Variants in IL1RAPL1 observed in about 807,000 individuals in gnomAD.
IL1RAPL1 encodes interleukin 1 receptor accessory protein like 1.
Under a neutral mutation model 48.4 loss-of-function variants are expected in IL1RAPL1, and 3 were observed. The observed-to-expected ratio is 0.06, with a 90% CI of 0.03 to 0.16. IL1RAPL1 has a LOEUF of 0.16. Among genes scored for constraint, IL1RAPL1 ranks in the 10% least tolerant of loss-of-function variants. The pLI is 1.00. For synonymous variants in IL1RAPL1, 185 were observed against 187.7 expected (o/e 0.99, Z 0.12); for missense variants, 349 against 530.6 (o/e 0.66, Z 3.36).
At chrX:29,492,856 G>A (rs1305474775) in intron 5 of IL1RAPL1, among the ~76,000 whole-genome samples, 1 of 111,658 alleles carries the variant, frequency 9.0e-6, no homozygotes, top group African/African-American at 3.3e-5. Context: ...CATGTCTAGT[G>A]CAGTTGTGTG....
intron 2 of IL1RAPL1, among the ~76,000 whole-genome samples, chrX:29,006,468 G>C (rs1347054377): frequency 9.3e-6 from 1 of 106,995 alleles, no homozygotes; most frequent in African/African-American, 3.4e-5. Context: ...GAGCTGAGAT[G>C]GCGCCATTGC....
intron 5 of IL1RAPL1, among the ~76,000 whole-genome samples, chrX:29,431,531 C>G (rs191341739): frequency 9.0e-6 from 1 of 111,604 alleles, no homozygotes; most frequent in African/African-American, 3.2e-5. Context: ...TTCGATTATC[C>G]GCTTGTAATC....
intron 2 of IL1RAPL1, among the ~76,000 whole-genome samples, chrX:28,959,101 A>C (rs1384696697): frequency 2.7e-5 from 3 of 111,669 alleles, no homozygotes; most frequent in Non-Finnish European, 5.7e-5. Context: ...ATGAAAAAGT[A>C]AGGACAAATA....
intron 2 of IL1RAPL1, among the ~76,000 whole-genome samples, chrX:29,103,217 A>G (rs1327595178): frequency 8.9e-6 from 1 of 112,017 alleles, no homozygotes; most frequent in Non-Finnish European, 1.9e-5. Flanking sequence ...TACCGAGCCC[A>G]CGTTATGCTA....
At chrX:29,676,851 GACAA>G (rs971421821) in intron 6 of IL1RAPL1, among the ~76,000 whole-genome samples, 3 of 111,612 alleles carry the variant, frequency 2.7e-5, no homozygotes, top group African/African-American at 9.7e-5. Flanking sequence ...CTTTTCCCCT[GACAA>G]ACACTGTTAT....
chrX:29,047,762 C>A (rs988646505), intron 2 of IL1RAPL1, among the ~76,000 whole-genome samples: 26 of 105,043 alleles, frequency 2.5e-4, no homozygotes, highest in African/African-American at 8.6e-4. Flanking sequence ...CTCACACTGT[C>A]GCCTGCATTG....
intron 3 of IL1RAPL1, among the ~76,000 whole-genome samples, chrX:29,287,112 C>G (rs754348989): frequency 1.8e-5 from 2 of 111,229 alleles, no homozygotes; most frequent in South Asian, 7.7e-4. Context: ...ATCCCAAACC[C>G]CTGTCAACCA....
chrX:29,714,660 T>C, intron 6 of IL1RAPL1, among the ~76,000 whole-genome samples: 1 of 112,013 alleles, frequency 8.9e-6, no homozygotes, highest in East Asian at 2.8e-4. Context: ...AAACCCCATT[T>C]TAGGTTTAGC....
intron 6 of IL1RAPL1, among the ~76,000 whole-genome samples, chrX:29,869,554 T>G (rs1470778263): frequency 1.8e-5 from 2 of 111,265 alleles, no homozygotes; most frequent in Non-Finnish European, 3.8e-5. Context: ...TCACCTAGAC[T>G]CAGACTATTT....
intron 2 of IL1RAPL1, among the ~76,000 whole-genome samples, chrX:28,815,526 C>G (rs1241188934): frequency 1.9e-5 from 2 of 107,552 alleles, no homozygotes; most frequent in African/African-American, 6.7e-5. Context: ...TGTAGTCACC[C>G]TACTAATTTA....
chrX:28,664,322 T>C (rs1934852669), intron 1 of IL1RAPL1, among the ~76,000 whole-genome samples: 1 of 112,314 alleles, frequency 8.9e-6, no homozygotes, highest in Non-Finnish European at 1.9e-5. Flanking sequence ...GAAAAGACTT[T>C]CAATTTCTAT....
intron 2 of IL1RAPL1, among the ~76,000 whole-genome samples, chrX:29,217,765 TCTCTCTCTCTCTCA>T (rs1227466966): frequency 1.6e-5 from 1 of 61,385 alleles, no homozygotes; most frequent in African/African-American, 9.6e-5. Flanking sequence ...TTTCTCTCTC[TCTCTCTCTCTCTCA>T]CACACACACA....
At position 28,832,738 on chromosome X, in the gene IL1RAPL1, GT is replaced by G. The variant is rs1248072437; in HGVS notation, c.82+43325del. ...AAAGCCTTATATTGGGTTGGTCAAGGTTTTTTTTTTTTAAAACCTTAGTAGT... is the reference window on the plus strand; with the variant it reads ...AAAGCCTTATATTGGGTTGGTCAAGGTTTTTTTTTTTAAAACCTTAGTAGT... On this transcript the variant is annotated intron_variant, in intron 2 of 10. Coordinates refer to ENST00000378993, the MANE Select transcript of IL1RAPL1 (RefSeq NM_014271.4). Among the ~76,000 whole-genome samples, 234 of 97,202 alleles carry G rather than the reference GT, an allele frequency of 2.4e-3. 1 individual carries two copies. The highest frequency in any genetic ancestry group is 7.7e-3 in the African/African-American group (208 of 26,926). 84.4% of individuals were successfully genotyped at this position (97,202 alleles called of 115,157 possible).
At chrX:29,127,620 C>T (rs1172429592) in intron 2 of IL1RAPL1, among the ~76,000 whole-genome samples, 1 of 111,752 alleles carries the variant, frequency 8.9e-6, no homozygotes, top group Non-Finnish European at 1.9e-5. Flanking sequence ...AATATATCAA[C>T]TGCCTACAGC....
chrX:29,222,088 A>G (rs924651583), intron 2 of IL1RAPL1, among the ~76,000 whole-genome samples: 43 of 110,122 alleles, frequency 3.9e-4, no homozygotes, highest in Non-Finnish European at 6.8e-4. Context: ...AAAGGAATGC[A>G]GCTGTCTTAA....
chrX:29,752,310 A>G lies in IL1RAPL1; in HGVS notation c.778+83806A>G, dbSNP rs1416971336. On this transcript the variant is annotated intron_variant, in intron 6 of 10. Coordinates refer to ENST00000378993, the MANE Select transcript of IL1RAPL1 (RefSeq NM_014271.4). ...CAGGAGATCGAGAACATCCTGGCCAACATGGTGAAACCCTGTCTCTACTAA... is the reference window on the plus strand; with the variant it reads ...CAGGAGATCGAGAACATCCTGGCCAGCATGGTGAAACCCTGTCTCTACTAA... 2.8e-5 allele frequency among the ~76,000 whole-genome samples: 3 copies of G among 106,901 alleles called. No homozygotes were observed. The Admixed American group carries it at 3.1e-4, about 11-fold the overall frequency. The allele number at this position is 106,901 out of a possible 115,157, so 92.8% of individuals were successfully genotyped here.
chrX:29,073,093 A>G (rs777391185), intron 2 of IL1RAPL1, among the ~76,000 whole-genome samples: 102 of 112,173 alleles, frequency 9.1e-4, no homozygotes, highest in African/African-American at 3.2e-3. Flanking sequence ...CCACTAAAGC[A>G]TGAGGGAGGG....
At chrX:28,811,075 ATTTAGAG>A (rs1936788894) in intron 2 of IL1RAPL1, among the ~76,000 whole-genome samples, 1 of 110,791 alleles carries the variant, frequency 9.0e-6, no homozygotes, top group Admixed American at 9.6e-5. Flanking sequence ...ACTTGTTTGG[ATTTAGAG>A]TTTAAATACT....
At chrX:29,712,928 T>G (rs1927389733) in intron 6 of IL1RAPL1, among the ~76,000 whole-genome samples, 1 of 111,876 alleles carries the variant, frequency 8.9e-6, no homozygotes, top group Non-Finnish European at 1.9e-5. Context: ...TGGGACCAAA[T>G]TAAGTTTTAT....
Sources: gnomAD v4.1 joint callset for allele counts (sites outside exome capture counted in the v4.1 genomes callset) on GRCh38, gnomAD v4.1.1 for gene constraint, MANE v1.5 for transcripts, NCBI Gene and HGNC (gene_info 2026-07-23, HGNC 2026-07-21) for gene names.